Variants in CNOT4 observed in about 807,000 individuals in gnomAD.
The protein encoded by CNOT4 is CCR4-associated factor 4.
In CNOT4, 8 loss-of-function variants were observed where a neutral mutation model predicts 73.8. The ratio of observed to expected loss-of-function variants is 0.11; its 90% CI spans 0.06 to 0.20. The LOEUF (loss-of-function observed/expected upper bound fraction) is 0.20, where lower values mean the gene tolerates loss of function less well. Ranked by LOEUF, CNOT4 falls within the 10% of genes least tolerant of loss-of-function variation. The pLI is 1.00. For missense variants in CNOT4, 564 were observed against 883.4 expected (o/e 0.64, Z 4.58); for synonymous variants, 293 against 321.1 (o/e 0.91, Z 0.94).
intron 1 of CNOT4, chr7:135,444,593 G>T: frequency 7.4e-7 from 1 of 1,350,736 alleles, no homozygotes; most frequent in Non-Finnish European, 1.1e-6. Context: ...GTGGAGTACA[G>T]CACATACACT....
At chr7:135,383,787 T>A (rs1795966929) in intron 10 of CNOT4, among the ~76,000 whole-genome samples, 1 of 152,226 alleles carries the variant, frequency 6.6e-6, no homozygotes, top group Non-Finnish European at 1.5e-5. Context: ...TTTGTCATCA[T>A]CAAAATCTAA....
At chr7:135,457,409 T>C (rs1800608134) in intron 1 of CNOT4, among the ~76,000 whole-genome samples, 2 of 152,106 alleles carry the variant, frequency 1.3e-5, no homozygotes, top group Admixed American at 1.3e-4. Context: ...CACCAATGCA[T>C]GCTTTTGTGG....
intron 1 of CNOT4, among the ~76,000 whole-genome samples, chr7:135,503,159 A>C (rs1804112211): frequency 6.6e-6 from 1 of 151,914 alleles, no homozygotes; most frequent in African/African-American, 2.4e-5. Context: ...ATCTCAAAAT[A>C]AATAAATAAA....
At chr7:135,506,561 A>C (rs1804379701) in intron 1 of CNOT4, among the ~76,000 whole-genome samples, 1 of 152,192 alleles carries the variant, frequency 6.6e-6, no homozygotes, top group South Asian at 2.1e-4. Flanking sequence ...TAGAAAATTT[A>C]ATTTTAGGCC....
intron 1 of CNOT4, among the ~76,000 whole-genome samples, chr7:135,501,623 C>T (rs75599123): frequency 6.6e-6 from 1 of 152,278 alleles, no homozygotes; most frequent in African/African-American, 2.4e-5. Context: ...GAAAAACACT[C>T]TCATGTTTTC....
chr7:135,505,192 C>T (rs1400033166), intron 1 of CNOT4, among the ~76,000 whole-genome samples: 1 of 152,082 alleles, frequency 6.6e-6, no homozygotes, highest in East Asian at 1.9e-4. Flanking sequence ...ATCATCTGCC[C>T]ATCACCCAAA....
At chr7:135,365,239 A>C (rs1462236187) in intron 10 of CNOT4, among the ~76,000 whole-genome samples, 1 of 152,212 alleles carries the variant, frequency 6.6e-6, no homozygotes, top group Non-Finnish European at 1.5e-5. Flanking sequence ...AAAAGATAAA[A>C]TACTACAACT....
At position 135,372,501 on chromosome 7, in the gene CNOT4, T is replaced by A. The variant is rs1222895869; in HGVS notation, c.1628-8435A>T. ...TAGTAGACAATGCCTGAACCTGAACTTCAGTAGGTACTGTATGTTTCCCAA... is the reference window on the plus strand; with the variant it reads ...TAGTAGACAATGCCTGAACCTGAACATCAGTAGGTACTGTATGTTTCCCAA... On this transcript the variant is annotated intron_variant, in intron 10 of 11. Coordinates refer to ENST00000541284, the MANE Select transcript of CNOT4 (RefSeq NM_001190850.2). 3.9e-5 allele frequency among the ~76,000 whole-genome samples: 6 copies of A among 152,172 alleles called. No individual in the cohort carries two copies. The East Asian group carries it at 1.2e-3, about 29-fold the overall frequency.
intron 1 of CNOT4, among the ~76,000 whole-genome samples, chr7:135,446,311 T>C (rs1799819628): frequency 6.6e-6 from 1 of 152,194 alleles, no homozygotes; most frequent in Admixed American, 6.5e-5. Context: ...CTGTTTGAGA[T>C]GCTGAAAAAA....
At chr7:135,496,240 G>A (rs1487023743) in intron 1 of CNOT4, among the ~76,000 whole-genome samples, 2 of 152,100 alleles carry the variant, frequency 1.3e-5, no homozygotes, top group African/African-American at 4.8e-5. Context: ...TTACAGGCAT[G>A]CACCACCATG....
intron 3 of CNOT4, among the ~76,000 whole-genome samples, chr7:135,417,764 C>T (rs559040400): frequency 7.9e-5 from 12 of 152,276 alleles, no homozygotes; most frequent in Non-Finnish European, 1.8e-4. Context: ...TACCACTTAC[C>T]TTGGCACCTT....
At chr7:135,474,844 T>A (rs144254026) in intron 1 of CNOT4, among the ~76,000 whole-genome samples, 170 of 152,338 alleles carry the variant, frequency 1.1e-3, no homozygotes, top group African/African-American at 3.8e-3. Context: ...ACACTGCTGA[T>A]GACATTACAA....
intron 1 of CNOT4, among the ~76,000 whole-genome samples, chr7:135,496,591 T>C (rs1159152872): frequency 1.3e-5 from 2 of 152,064 alleles, no homozygotes; most frequent in Non-Finnish European, 2.9e-5. Flanking sequence ...TGAAACCTCC[T>C]TGGCTACCTA....
At chr7:135,449,185 G>A (rs1261440579) in intron 1 of CNOT4, among the ~76,000 whole-genome samples, 1 of 152,130 alleles carries the variant, frequency 6.6e-6, no homozygotes, top group Admixed American at 6.6e-5. Context: ...TTTTAGGGAT[G>A]CACATAAAGG....
At chr7:135,459,463 A>C (rs1405405414) in intron 1 of CNOT4, among the ~76,000 whole-genome samples, 2 of 152,190 alleles carry the variant, frequency 1.3e-5, no homozygotes, top group Non-Finnish European at 2.9e-5. Context: ...CTTCTCCCTG[A>C]AGAAATCTTT....
intron 3 of CNOT4, among the ~76,000 whole-genome samples, chr7:135,420,259 T>C (rs763668433): frequency 7.9e-5 from 12 of 152,036 alleles, no homozygotes; most frequent in Non-Finnish European, 1.5e-4. Flanking sequence ...ATTCATTTAC[T>C]GGAACTGCAC....
chr7:135,450,510 C>G (rs1800093038), intron 1 of CNOT4, among the ~76,000 whole-genome samples: 1 of 152,084 alleles, frequency 6.6e-6, no homozygotes. Flanking sequence ...CACACCACCA[C>G]GCCTGGCTAA....
chr7:135,443,801 T>G (rs988472684), intron 1 of CNOT4, among the ~76,000 whole-genome samples: 12 of 152,288 alleles, frequency 7.9e-5, no homozygotes, highest in African/African-American at 2.4e-4. Context: ...ACTTATAAAG[T>G]GTTGCTGTAT....
intron 10 of CNOT4, among the ~76,000 whole-genome samples, chr7:135,372,536 C>A (rs1383577113): frequency 6.6e-6 from 1 of 151,844 alleles, no homozygotes; most frequent in Non-Finnish European, 1.5e-5. Context: ...AACATATAAC[C>A]CTGAACGTTT....
Sources: gnomAD v4.1 joint callset for allele counts (sites outside exome capture counted in the v4.1 genomes callset) on GRCh38, gnomAD v4.1.1 for gene constraint, MANE v1.5 for transcripts, NCBI Gene and HGNC (gene_info 2026-07-23, HGNC 2026-07-21) for gene names.